The following FRMD4A variants were observed in gnomAD, a reference collection of about 807,000 sequenced individuals.
FRMD4A encodes the protein FERM domain-containing protein 4A.
A neutral mutation model predicts 129.1 loss-of-function variants in FRMD4A; 29 were observed. That is an observed-to-expected ratio of 0.22 (90% CI 0.17 to 0.31). The LOEUF is 0.31. Ranked by LOEUF, FRMD4A falls within the 10% of genes least tolerant of loss-of-function variation. FRMD4A has a pLI of 1.00. For missense variants in FRMD4A, 1,272 were observed against 1,375.8 expected (o/e 0.92, Z 1.19); for synonymous variants, 634 against 571.6 (o/e 1.11, Z -1.56).
intron 2 of FRMD4A, among the ~76,000 whole-genome samples, chr10:14,223,211 C>G (rs1249688171): frequency 6.6e-6 from 1 of 152,216 alleles, no homozygotes; most frequent in Non-Finnish European, 1.5e-5. Context: ...GGAGCAGGCA[C>G]AACTGCTAGG....
chr10:13,907,564 T>A (rs1565014795), intron 2 of FRMD4A, among the ~76,000 whole-genome samples: 1 of 152,172 alleles, frequency 6.6e-6, no homozygotes, highest in Non-Finnish European at 1.5e-5. Context: ...GTTGTCTTAT[T>A]TGTTGAGGGT....
chr10:14,206,906 G>A (rs1842801302), intron 2 of FRMD4A, among the ~76,000 whole-genome samples: 1 of 151,312 alleles, frequency 6.6e-6, no homozygotes, highest in South Asian at 2.1e-4. Context: ...TGATTGGAAT[G>A]CAAAATGCTA....
intron 2 of FRMD4A, among the ~76,000 whole-genome samples, chr10:14,193,474 C>CCA (rs1238709830): frequency 1.3e-3 from 180 of 134,920 alleles, no homozygotes; most frequent in Non-Finnish European, 1.5e-3. Flanking sequence ...ACCCACCCAC[C>CCA]CACACACACA....
chr10:13,983,955 A>G (rs914000179), intron 2 of FRMD4A, among the ~76,000 whole-genome samples: 22 of 151,720 alleles, frequency 1.5e-4, no homozygotes, highest in African/African-American at 5.3e-4. Context: ...GTGAGCCGAG[A>G]CTGCGCCACT....
At position 14,103,029 on chromosome 10, in the gene FRMD4A, T is replaced by C. The variant is rs536621322; in HGVS notation, c.45+227029A>G. On this transcript the variant is annotated intron_variant, in intron 2 of 24. Coordinates refer to ENST00000357447, the MANE Select transcript of FRMD4A (RefSeq NM_018027.5). ...CCAGCCTATAAGAAATTGAAAGCAC[T>C]TAGGAGAAAGTTGGAGGGAGGAAAG... Among the ~76,000 whole-genome samples the C allele has an allele frequency of 1.1e-4, 16 of 152,274 alleles. No homozygotes were observed. In the South Asian group the frequency reaches 3.1e-3, roughly 30 times the overall value.
chr10:13,883,723 AACAAAT>A (rs1318756931), intron 2 of FRMD4A, among the ~76,000 whole-genome samples: 1 of 152,232 alleles, frequency 6.6e-6, no homozygotes, highest in African/African-American at 2.4e-5. Context: ...AGGAACCACA[AACAAAT>A]ACCAGCTTAT....
rs186971397 is a variant in FRMD4A, at chr10:14,175,858, C to A, written c.45+154200G>T. The stretch of plus-strand genomic sequence containing the variant: ...TATTCTTAACTCTTTCTCTGCGTCA[C>A]CTTAGTTGCAGGCTGCAACCTCATT... On this transcript the variant is annotated intron_variant, in intron 2 of 24. Coordinates refer to ENST00000357447, the MANE Select transcript of FRMD4A (RefSeq NM_018027.5). Among the ~76,000 whole-genome samples the A allele has an allele frequency of 7.2e-5, 11 of 152,290 alleles. No individual in the cohort carries two copies. In the East Asian group the frequency reaches 1.2e-3, roughly 16 times the overall value.
chr10:14,224,446 CCTCATTTCCACTCCTA>C lies in FRMD4A; in HGVS notation c.45+105596_45+105611del, dbSNP rs141369480. Reference sequence around the variant, plus strand: ...GGTTTAGTTGACTTTGTCTTTCTTCCCTCATTTCCACTCCTACTCATACTGGGCAGAAAGACTTTGG... The same window carrying C: ...GGTTTAGTTGACTTTGTCTTTCTTCCCTCATACTGGGCAGAAAGACTTTGG... On this transcript the variant is annotated intron_variant, in intron 2 of 24. Coordinates refer to ENST00000357447, the MANE Select transcript of FRMD4A (RefSeq NM_018027.5). Among the ~76,000 whole-genome samples, 670 of 152,282 alleles carry C rather than the reference CCTCATTTCCACTCCTA, an allele frequency of 4.4e-3. 7 individuals are homozygous for C. Among genetic ancestry groups the C allele is most frequent in the African/African-American group, 0.015 (606 of 41,550 alleles).
At chr10:13,818,770 T>C (rs1443514481) in intron 3 of FRMD4A, among the ~76,000 whole-genome samples, 1 of 152,230 alleles carries the variant, frequency 6.6e-6, no homozygotes, top group African/African-American at 2.4e-5. Context: ...ACTTAGAATA[T>C]GCCTGGCATG....
chr10:13,798,618 G>C (rs1288099591), intron 4 of FRMD4A, among the ~76,000 whole-genome samples: 1 of 152,224 alleles, frequency 6.6e-6, no homozygotes, highest in Admixed American at 6.5e-5. Context: ...TCAGGAGGCT[G>C]AAGCAGGAGA....
chr10:13,932,923 G>T (rs935253682), intron 2 of FRMD4A, among the ~76,000 whole-genome samples: 1 of 152,158 alleles, frequency 6.6e-6, no homozygotes, highest in Non-Finnish European at 1.5e-5. Flanking sequence ...CACTTTGGGA[G>T]GCTGAGGCGG....
chr10:14,244,928 A>G (rs1415419744), intron 2 of FRMD4A, among the ~76,000 whole-genome samples: 1 of 152,216 alleles, frequency 6.6e-6, no homozygotes, highest in African/African-American at 2.4e-5. Context: ...CTCAAGCAAT[A>G]AAAGATGATT....
At position 13,660,421 on chromosome 10, in the gene FRMD4A, C is replaced by A; in HGVS notation, c.1793G>T (p.Arg598Leu). 1 of 1,613,936 alleles carries A rather than the reference C, an allele frequency of 6.2e-7. No homozygotes were observed. Among genetic ancestry groups the A allele is most frequent in the Admixed American group, 1.7e-5 (1 of 60,016 alleles). The part of the protein sequence containing the change: ...LEGLRQMHYH[R>L]NDYDKSPIKP... Reference sequence around the variant, plus strand: ...GATGGGTGACTTGTCATAGTCGTTGCGGTGATAGTGCATCTGTCGGAGTCC... The same window carrying A: ...GATGGGTGACTTGTCATAGTCGTTGAGGTGATAGTGCATCTGTCGGAGTCC... Residue 598 changes from arginine (R) to leucine (L), a missense_variant, in exon 20 of 25, where the codon CGC (arginine) becomes CTC (leucine). Physicochemically the swap from Arg to Leu is moderately radical, Grantham distance 102. Coordinates refer to ENST00000357447, the MANE Select transcript of FRMD4A (RefSeq NM_018027.5).
At chr10:13,668,975 C>A (rs2083284719) in intron 17 of FRMD4A, among the ~76,000 whole-genome samples, 1 of 151,854 alleles carries the variant, frequency 6.6e-6, no homozygotes, top group South Asian at 2.1e-4. Context: ...CATACACTGG[C>A]TCATTCAATC....
intron 12 of FRMD4A, among the ~76,000 whole-genome samples, chr10:13,723,951 A>G (rs2089679846): frequency 6.6e-6 from 1 of 152,208 alleles, no homozygotes; most frequent in Admixed American, 6.5e-5. Flanking sequence ...GGACACTCTA[A>G]TTTCTTAATA....
intron 2 of FRMD4A, among the ~76,000 whole-genome samples, chr10:13,907,019 G>A (rs1171797040): frequency 1.3e-5 from 2 of 152,110 alleles, no homozygotes; most frequent in Admixed American, 6.5e-5. Flanking sequence ...CACGCCCATA[G>A]GTCAACTTCT....
Position 14,330,759 on chromosome 10 carries a change from G to A in FRMD4A, c.-244C>T. 1 of 398,888 alleles carries A rather than the reference G, an allele frequency of 2.5e-6. No homozygotes were observed. The highest frequency in any genetic ancestry group is 2.1e-5 in the African/African-American group (1 of 48,712). 24.7% of individuals were successfully genotyped at this position (398,888 alleles called of 1,614,324 possible). On this transcript the variant is annotated 5_prime_UTR_variant, in exon 1 of 25. Transcript: ENST00000357447. ...CATCCCCGAGGAGGAAGTCACTTAG[G>A]AACTGACCCTTCCACCTTCCCCAGA...
chr10:14,008,030 G>T (rs1430832982), intron 2 of FRMD4A: 2 of 1,297,026 alleles, frequency 1.5e-6, no homozygotes, highest in Non-Finnish European at 2.0e-6. Flanking sequence ...TGGAGCAACT[G>T]AGAAGCAAAC....
At chr10:14,221,716 C>G (rs867502085) in intron 2 of FRMD4A, among the ~76,000 whole-genome samples, 3 of 35,480 alleles carry the variant, frequency 8.5e-5, no homozygotes, top group African/African-American at 2.9e-4. Flanking sequence ...CACAGTACCA[C>G]GCCGGGTAAT....
Sources: allele counts gnomAD v4.1 joint callset (sites outside exome capture counted in the v4.1 genomes callset), GRCh38; gene constraint gnomAD v4.1.1; transcripts MANE v1.5; gene names NCBI Gene and HGNC (gene_info 2026-07-23, HGNC 2026-07-21).